Variants in TCOF1 observed in about 807,000 individuals in gnomAD.
The protein encoded by TCOF1 is treacle protein.
TCOF1 carries 33 observed loss-of-function variants against 149.0 expected under a neutral mutation model. That is an observed-to-expected ratio of 0.22 (90% CI 0.17 to 0.30). The LOEUF is 0.30. Ranked by LOEUF, TCOF1 falls within the 10% of genes least tolerant of loss-of-function variation. The probability of loss-of-function intolerance (pLI) is 1.00; values close to 1 mark genes in which losing one functional copy is unlikely to be tolerated. For missense variants in TCOF1, 1,728 were observed against 1,840.7 expected, an observed-to-expected ratio of 0.94 and a Z score of 1.12; for synonymous variants, 789 against 738.8, an observed-to-expected ratio of 1.07 and a Z score of -1.10.
At chr5:150,368,350 A>C in intron 4 of TCOF1, 1 of 357,620 alleles carries the variant, frequency 2.8e-6, no homozygotes, top group South Asian at 2.9e-5. Context: ...TCATTTTCTA[A>C]TAATCCAGAA....
At chr5:150,363,739 G>A (rs188895846) in intron 2 of TCOF1, among the ~76,000 whole-genome samples, 4 of 152,314 alleles carry the variant, frequency 2.6e-5, no homozygotes, top group Admixed American at 1.3e-4. Context: ...GAAGGACGAG[G>A]ACCTGGGCAG....
chr5:150,396,131 TG>T, intron 23 of TCOF1, 150 bp from the exon 24 acceptor site: 2 of 845,900 alleles, frequency 2.4e-6, no homozygotes, highest in Non-Finnish European at 2.0e-6. Context: ...GGAGACCAGC[TG>T]GGGCAGAGTG....
intron 17 of TCOF1, chr5:150,380,263 G>C (rs1345394906): frequency 1.1e-5 from 2 of 181,360 alleles, no homozygotes; most frequent in Non-Finnish European, 2.4e-5. Flanking sequence ...GTAGCTAAAA[G>C]TGTCCTGGGT....
rs545921718 is a variant in TCOF1, at chr5:150,358,645, T to C, written c.108+791T>C. ...TGAGGTCAGAAGTTCGAGACCAGCC[T>C]GGCCAACATGGTGAAACACCGTTTC... is the stretch of plus-strand genomic sequence containing the variant. On this transcript the variant is annotated intron_variant, in intron 1 of 26. Coordinates refer to ENST00000643257, the MANE Select transcript of TCOF1 (RefSeq NM_001371623.1). 2.5e-4 allele frequency among the ~76,000 whole-genome samples: 38 copies of C among 152,188 alleles called. No individual in the cohort carries two copies. The East Asian group carries it at 6.4e-3, about 26-fold the overall frequency.
intron 14 of TCOF1, chr5:150,378,606 T>C (rs1438596696): frequency 4.7e-6 from 2 of 421,268 alleles, no homozygotes; most frequent in East Asian, 1.0e-4. Flanking sequence ...GCTTAGCTAA[T>C]GCTAAGGAAG....
At chr5:150,373,012 G>A (rs1043295905) in intron 7 of TCOF1, among the ~76,000 whole-genome samples, 2 of 152,110 alleles carry the variant, frequency 1.3e-5, no homozygotes, top group Non-Finnish European at 1.5e-5. Context: ...TCTACGCCTC[G>A]GCTGTCTATT....
intron 17 of TCOF1, chr5:150,380,078 A>C (rs1238957864): frequency 3.8e-6 from 1 of 264,380 alleles, no homozygotes; most frequent in Non-Finnish European, 7.5e-6. Context: ...CTCAAAAAAA[A>C]AAAAAAAGAA....
At chr5:150,364,390 T>C (rs1290142186) in intron 3 of TCOF1, 138 bp downstream of exon 3, 1 of 1,309,636 alleles carries the variant, frequency 7.6e-7, no homozygotes, top group Non-Finnish European at 1.0e-6. Context: ...CACATATCTT[T>C]GGCAGTATTT....
intron 21 of TCOF1, 75 bp from the exon 22 acceptor site, chr5:150,392,630 C>T: frequency 6.7e-7 from 1 of 1,496,594 alleles, no homozygotes; most frequent in Non-Finnish European, 9.2e-7. Flanking sequence ...AGACCAGGGC[C>T]TTCCTGAAGG....
chr5:150,364,180 G>C lies in TCOF1; in HGVS notation c.232G>C (p.Val78Leu), dbSNP rs1481732271. 2.5e-6 allele frequency: 4 copies of C among 1,614,158 alleles called. No homozygotes were observed. The highest frequency in any genetic ancestry group is 3.4e-6 in the Non-Finnish European group (4 of 1,180,034). The change falls in exon 3 of 27, where the codon GTG becomes CTG. Residue 78 changes from valine (V) to leucine (L), a missense_variant. Around this residue, in one of 2 missense-constraint regions of TCOF1, gnomAD observed 1,696 missense variants for 1,765.4 expected, o/e 0.96. Transcript: ENST00000643257. Reference sequence around the variant, plus strand: ...GGCACTGCAAGCTAAGAAAACCCGTGTGTCAGACCCCATCAGCACCTCGGA... The same window carrying C: ...GGCACTGCAAGCTAAGAAAACCCGTCTGTCAGACCCCATCAGCACCTCGGA... ...DAALQAKKTRVSDPISTSESS... is the reference protein window; with the variant it reads ...DAALQAKKTRLSDPISTSESS...
intron 26 of TCOF1, 50 bp downstream of exon 26, chr5:150,399,120 G>T (rs766713007): frequency 4.4e-5 from 70 of 1,606,904 alleles, no homozygotes; most frequent in Admixed American, 3.5e-4. Context: ...GACAGCTCTG[G>T]TGTCCCCTGT....
chr5:150,398,815 C>T (rs1215834194), intron 25 of TCOF1, among the ~76,000 whole-genome samples: 2 of 152,262 alleles, frequency 1.3e-5, no homozygotes, highest in East Asian at 1.9e-4. Context: ...GGCCTTAGCA[C>T]CTCAGACACA....
intron 6 of TCOF1, among the ~76,000 whole-genome samples, chr5:150,370,972 G>T (rs1233304306): frequency 1.3e-5 from 2 of 152,184 alleles, no homozygotes; most frequent in African/African-American, 2.4e-5. Flanking sequence ...GAGATGGCCT[G>T]ATTTGCATTT....
chr5:150,374,432 GA>G, intron 8 of TCOF1, 46 bp downstream of exon 8: 2 of 1,550,768 alleles, frequency 1.3e-6, no homozygotes, highest in East Asian at 4.9e-5. Context: ...CCCGTCCCCA[GA>G]AGGCCTTCTC....
intron 17 of TCOF1, among the ~76,000 whole-genome samples, chr5:150,381,821 G>A (rs1414789877): frequency 1.3e-5 from 2 of 152,318 alleles, no homozygotes; most frequent in South Asian, 4.1e-4. Flanking sequence ...TCCTTTAGCT[G>A]AGCGTCAGTG....
chr5:150,367,534 A>G (rs1306450081), intron 3 of TCOF1: 2 of 399,352 alleles, frequency 5.0e-6, no homozygotes, highest in Non-Finnish European at 4.8e-6. Context: ...AGTGCCCAGT[A>G]GGCAGCAAGA....
Position 150,361,150 on chromosome 5 carries a change from C to T in TCOF1, c.109-6C>T, listed in dbSNP as rs752094566. On this transcript the variant is annotated splice_region_variant and splice_polypyrimidine_tract_variant and intron_variant, in intron 1 of 26. Coordinates refer to ENST00000643257, the MANE Select transcript of TCOF1 (RefSeq NM_001371623.1). ...TAATTGTGGCTTTCTCTTTACCTCT[C>T]TGCAGAAGTGTTTCCTGGCTCAGCC... 1 of 1,614,152 alleles carries T rather than the reference C, an allele frequency of 6.2e-7. No individual in the cohort carries two copies. Among genetic ancestry groups the T allele is most frequent in the East Asian group, 2.2e-5 (1 of 44,880 alleles).
chr5:150,393,223 T>C (rs2151056313), intron 22 of TCOF1, 149 bp from the exon 23 acceptor site: 1 of 884,096 alleles, frequency 1.1e-6, no homozygotes, highest in East Asian at 2.6e-5. Flanking sequence ...AGTGCTGCTC[T>C]GTGCCTTGTT....
intron 2 of TCOF1, among the ~76,000 whole-genome samples, chr5:150,363,232 G>A (rs1581035151): frequency 6.6e-6 from 1 of 152,334 alleles, no homozygotes; most frequent in East Asian, 1.9e-4. Flanking sequence ...AAAAGAGGCA[G>A]AATAAATTGA....
Sources: allele counts gnomAD v4.1 joint callset (sites outside exome capture counted in the v4.1 genomes callset), GRCh38; gene constraint gnomAD v4.1.1; regional missense constraint gnomAD v4.1.1; transcripts MANE v1.5; gene names NCBI Gene and HGNC (gene_info 2026-07-23, HGNC 2026-07-21).